Variants in GHR observed in about 807,000 individuals in gnomAD.
GHR encodes the protein growth hormone receptor.
A neutral mutation model predicts 67.1 loss-of-function variants in GHR; 35 were observed. The observed-to-expected ratio is 0.52, with a 90% CI of 0.40 to 0.69. GHR has a LOEUF of 0.69. Among genes scored for constraint, GHR ranks in the 30% least tolerant of loss-of-function variants. The probability of loss-of-function intolerance (pLI) is 0.00; values close to 1 mark genes in which losing one functional copy is unlikely to be tolerated. For synonymous variants in GHR, 272 were observed against 269.1 expected (o/e 1.01, Z -0.10); for missense variants, 792 against 764.6 (o/e 1.04, Z -0.42).
chr5:42,565,416 T>C, intron 1 of GHR: 1 of 979,562 alleles, frequency 1.0e-6, no homozygotes, highest in Non-Finnish European at 1.2e-6. Context: ...AACAGATTTA[T>C]GAAATGTTAC....
intron 1 of GHR, chr5:42,468,016 C>T: frequency 1.3e-6 from 1 of 771,862 alleles, no homozygotes; most frequent in Non-Finnish European, 2.2e-6. Flanking sequence ...CCTCTCTTAA[C>T]TCAGGTCCTT....
chr5:42,520,196 C>G (rs1443469548), intron 1 of GHR, among the ~76,000 whole-genome samples: 1 of 152,068 alleles, frequency 6.6e-6, no homozygotes, highest in African/African-American at 2.4e-5. Flanking sequence ...GAGAAGAGAT[C>G]AATTAGACAG....
intron 1 of GHR, among the ~76,000 whole-genome samples, chr5:42,449,989 A>G (rs1743978029): frequency 6.6e-6 from 1 of 152,136 alleles, no homozygotes; most frequent in South Asian, 2.1e-4. Context: ...TATCCCTAGT[A>G]TGAAACCCGC....
intron 2 of GHR, among the ~76,000 whole-genome samples, chr5:42,578,232 G>A (rs1579980149): frequency 1.3e-5 from 2 of 152,044 alleles, no homozygotes; most frequent in African/African-American, 4.8e-5. Flanking sequence ...GGTCAAAATG[G>A]CTCCTGCTTG....
intron 3 of GHR, among the ~76,000 whole-genome samples, chr5:42,687,259 G>T (rs1757204522): frequency 6.6e-6 from 1 of 152,134 alleles, no homozygotes; most frequent in Non-Finnish European, 1.5e-5. Context: ...GTAATTTATA[G>T]ATTCAATGCT....
At chr5:42,698,995 T>G (rs1461263408) in intron 5 of GHR, among the ~76,000 whole-genome samples, 2 of 152,206 alleles carry the variant, frequency 1.3e-5, no homozygotes, top group Non-Finnish European at 2.9e-5. Context: ...CTGTAGAGTA[T>G]ATCAATAGAA....
intron 1 of GHR, among the ~76,000 whole-genome samples, chr5:42,433,732 A>ATTTTTTTTTTTTTTTTT (rs35539827): frequency 1.3e-5 from 1 of 77,584 alleles, no homozygotes; most frequent in African/African-American, 5.4e-5. Flanking sequence ...AAGATATGGT[A>ATTTTTTTTTTTTTTTTT]TTTTTTTTTT....
intron 1 of GHR, among the ~76,000 whole-genome samples, chr5:42,558,434 G>A (rs768673519): frequency 3.3e-5 from 5 of 151,986 alleles, no homozygotes; most frequent in East Asian, 1.9e-4. Context: ...ATGTATATAC[G>A]AATGCTACCA....
chr5:42,711,177 C>T (rs765919699), intron 6 of GHR, 30 bp from the exon 7 acceptor site: 2 of 1,577,958 alleles, frequency 1.3e-6, no homozygotes, highest in African/African-American at 2.7e-5. Context: ...GACTCTTTGG[C>T]CAATATGCGT....
chr5:42,566,671 CTT>C (rs11415347), intron 2 of GHR, among the ~76,000 whole-genome samples: 1 of 146,338 alleles, frequency 6.8e-6, no homozygotes, highest in Admixed American at 6.9e-5. Context: ...GGGTGGGAGA[CTT>C]TTTTTTTTTT....
chr5:42,430,960 T>C (rs1045699462), intron 1 of GHR, among the ~76,000 whole-genome samples: 7 of 152,178 alleles, frequency 4.6e-5, no homozygotes, highest in African/African-American at 1.7e-4. Flanking sequence ...CTCCAAGCTC[T>C]GCCTTTAATG....
chr5:42,642,900 A>G (rs1426712561), intron 3 of GHR, among the ~76,000 whole-genome samples: 4 of 151,970 alleles, frequency 2.6e-5, no homozygotes, highest in Non-Finnish European at 4.4e-5. Context: ...CATCATTCCA[A>G]TCTCTGGTTC....
At chr5:42,625,429 C>T (rs1004083157) in intron 2 of GHR, among the ~76,000 whole-genome samples, 8 of 151,972 alleles carry the variant, frequency 5.3e-5, no homozygotes, top group South Asian at 2.1e-4. Flanking sequence ...GTGGTGTCAA[C>T]GAAAAGAGTC....
intron 1 of GHR, among the ~76,000 whole-genome samples, chr5:42,478,841 T>A (rs1275255335): frequency 6.6e-6 from 1 of 152,228 alleles, no homozygotes; most frequent in Non-Finnish European, 1.5e-5. Context: ...CAGGGACAGT[T>A]TGACTTCCTC....
At chr5:42,632,429 T>C (rs549914853) in intron 3 of GHR, among the ~76,000 whole-genome samples, 154 of 152,302 alleles carry the variant, frequency 1.0e-3, no homozygotes, top group African/African-American at 3.5e-3. Context: ...CCAGACCAGC[T>C]AAAATTAACC....
At chr5:42,529,951 G>A (rs772804483) in intron 1 of GHR, among the ~76,000 whole-genome samples, 26 of 150,290 alleles carry the variant, frequency 1.7e-4, no homozygotes, top group Non-Finnish European at 3.1e-4. Context: ...AACTTCTTCC[G>A]GAATGGGAAT....
intron 1 of GHR, among the ~76,000 whole-genome samples, chr5:42,481,990 T>A (rs1396770644): frequency 4.0e-5 from 6 of 148,958 alleles, no homozygotes; most frequent in Admixed American, 4.0e-4. Context: ...TTTTCTGCTG[T>A]TTTTTCCCCA....
intron 2 of GHR, among the ~76,000 whole-genome samples, chr5:42,579,151 T>TGATAGATAGATATAG (rs1554021883): frequency 1.1e-5 from 1 of 88,246 alleles, no homozygotes; most frequent in African/African-American, 4.6e-5. Flanking sequence ...GATAGATAGA[T>TGATAGATAGATATAG]ATAGATAGAT....
chr5:42,522,471 C>G (rs1747519535), intron 1 of GHR, among the ~76,000 whole-genome samples: 1 of 152,130 alleles, frequency 6.6e-6, no homozygotes, highest in African/African-American at 2.4e-5. Flanking sequence ...ACTTTCTCTC[C>G]TCAATATCAG....
Sources: gnomAD v4.1 joint callset for allele counts (sites outside exome capture counted in the v4.1 genomes callset) on GRCh38, gnomAD v4.1.1 for gene constraint, MANE v1.5 for transcripts, NCBI Gene and HGNC (gene_info 2026-07-23, HGNC 2026-07-21) for gene names.